Variants in FARS2 observed in about 807,000 individuals in gnomAD.
FARS2 encodes phenylalanyl-tRNA synthetase 2, mitochondrial, also known as phenylalanine--tRNA ligase, mitochondrial.
In FARS2, 40 loss-of-function variants were observed where a neutral mutation model predicts 46.4. The observed-to-expected ratio is 0.86, with a 90% CI of 0.67 to 1.12. FARS2 has a LOEUF of 1.12. FARS2 is among the 50% of genes most tolerant of loss of function. FARS2 has a pLI of 0.00. For synonymous variants in FARS2, 234 were observed against 214.9 expected (o/e 1.09, Z -0.78); for missense variants, 513 against 567.9 (o/e 0.90, Z 0.98).
intron 4 of FARS2, among the ~76,000 whole-genome samples, chr6:5,485,291 A>G (rs1381246266): frequency 6.6e-6 from 1 of 152,166 alleles, no homozygotes; most frequent in Non-Finnish European, 1.5e-5. Flanking sequence ...ACATGAGATA[A>G]TGAATGCAAA....
chr6:5,444,149 A>G (rs1764003831), intron 4 of FARS2, among the ~76,000 whole-genome samples: 1 of 151,308 alleles, frequency 6.6e-6, no homozygotes, highest in Non-Finnish European at 1.5e-5. Flanking sequence ...ACGCACGTGC[A>G]TATGTTCGCA....
intron 6 of FARS2, among the ~76,000 whole-genome samples, chr6:5,620,194 C>T (rs114081801): frequency 0.012 from 1,873 of 152,114 alleles, 38 homozygotes; most frequent in African/African-American, 0.043. Flanking sequence ...AACCTTCCTA[C>T]CGTGCACGCG....
chr6:5,491,910 AT>A (rs56845547), intron 4 of FARS2, among the ~76,000 whole-genome samples: 27,617 of 148,312 alleles, frequency 0.19, 3,466 homozygotes, highest in African/African-American at 0.36. Context: ...TATTGTAAAG[AT>A]TTTTTTTTTT....
intron 4 of FARS2, among the ~76,000 whole-genome samples, chr6:5,490,550 G>A (rs1767044674): frequency 6.6e-6 from 1 of 152,294 alleles, no homozygotes. Context: ...CTGCTTCCTT[G>A]GGCTTGTGCC....
At chr6:5,342,216 C>T (rs1473944418) in intron 1 of FARS2, among the ~76,000 whole-genome samples, 1 of 152,132 alleles carries the variant, frequency 6.6e-6, no homozygotes, top group Non-Finnish European at 1.5e-5. Context: ...TTTTCTAGGC[C>T]TAATTGGGAC....
At chr6:5,762,445 G>A (rs982227294) in intron 6 of FARS2, among the ~76,000 whole-genome samples, 15 of 152,136 alleles carry the variant, frequency 9.9e-5, no homozygotes, top group Admixed American at 8.5e-4. Flanking sequence ...ATATACACAC[G>A]CATGCAAGGA....
chr6:5,287,344 C>T (rs901865691), intron 1 of FARS2, among the ~76,000 whole-genome samples: 6 of 152,204 alleles, frequency 3.9e-5, no homozygotes, highest in South Asian at 2.1e-4. Context: ...TGGAGTGGTC[C>T]GTGTTATCAT....
At chr6:5,668,320 G>A (rs1024239735) in intron 6 of FARS2, among the ~76,000 whole-genome samples, 2 of 152,080 alleles carry the variant, frequency 1.3e-5, no homozygotes, top group Non-Finnish European at 2.9e-5. Context: ...TGTCACTCTT[G>A]TACTGTTGGA....
intron 6 of FARS2, among the ~76,000 whole-genome samples, chr6:5,759,612 C>T (rs1245605706): frequency 6.6e-6 from 1 of 152,186 alleles, no homozygotes; most frequent in East Asian, 1.9e-4. Flanking sequence ...CCTTTCGACT[C>T]TGACCACCAG....
intron 4 of FARS2, among the ~76,000 whole-genome samples, chr6:5,486,180 G>T (rs1296195658): frequency 2.0e-5 from 3 of 152,088 alleles, no homozygotes. Context: ...AGAAACAGAT[G>T]CATTTCTGTT....
At chr6:5,581,815 G>A (rs113927818) in intron 5 of FARS2, among the ~76,000 whole-genome samples, 1 of 151,642 alleles carries the variant, frequency 6.6e-6, no homozygotes, top group Non-Finnish European at 1.5e-5. Context: ...TTCCTGATGC[G>A]CTTTTCTAAA....
intron 1 of FARS2, among the ~76,000 whole-genome samples, chr6:5,341,235 A>ATTTTTTTTTTTTTTT (rs70974193): frequency 1.9e-4 from 2 of 10,276 alleles, no homozygotes; most frequent in African/African-American, 2.6e-4. Context: ...ATATATATAT[A>ATTTTTTTTTTTTTTT]TTTTTTTTTT....
chr6:5,303,504 C>T (rs1768471416), intron 1 of FARS2, among the ~76,000 whole-genome samples: 1 of 152,028 alleles, frequency 6.6e-6, no homozygotes, highest in South Asian at 2.1e-4. Flanking sequence ...TGTCTTCATC[C>T]TTGTGTCAGC....
intron 6 of FARS2, among the ~76,000 whole-genome samples, chr6:5,619,964 C>T (rs993556664): frequency 6.6e-5 from 10 of 152,192 alleles, no homozygotes; most frequent in African/African-American, 2.2e-4. Flanking sequence ...TACACTTTTA[C>T]ATTTTCCCAA....
At chr6:5,561,464 G>T (rs1298553960) in intron 5 of FARS2, among the ~76,000 whole-genome samples, 10 of 152,080 alleles carry the variant, frequency 6.6e-5, no homozygotes, top group African/African-American at 2.4e-4. Flanking sequence ...TGGAAAGGTA[G>T]TCATTCTCCC....
intron 4 of FARS2, among the ~76,000 whole-genome samples, chr6:5,525,059 G>A (rs914967614): frequency 6.6e-6 from 1 of 151,956 alleles, no homozygotes; most frequent in Admixed American, 6.6e-5. Context: ...TCTGTAGAAT[G>A]CAAAAGGGTG....
intron 6 of FARS2, among the ~76,000 whole-genome samples, chr6:5,614,468 GAT>G (rs1775359958): frequency 1.3e-5 from 2 of 150,014 alleles, no homozygotes; most frequent in Non-Finnish European, 3.0e-5. Context: ...GGAGTGCAGT[GAT>G]GCGATCTCGG....
intron 4 of FARS2, among the ~76,000 whole-genome samples, chr6:5,491,483 A>C (rs552141427): frequency 1.3e-5 from 2 of 152,300 alleles, no homozygotes; most frequent in African/African-American, 4.8e-5. Context: ...CGTCGAGTTA[A>C]GAATCATGCG....
In FARS2 at chr6:5,359,109, G is replaced by A. The variant is rs1211477492; in HGVS notation, c.-21-9441G>A. On this transcript the variant is annotated intron_variant, in intron 1 of 6. Coordinates refer to ENST00000274680, the MANE Select transcript of FARS2 (RefSeq NM_006567.5). ...GGCTGGAGTGCAGTGGTGCAATCTC[G>A]GTTCACTGCAACCTCCGCCTCCCGG... is the stretch of plus-strand genomic sequence containing the variant. Among the ~76,000 whole-genome samples the A allele has an allele frequency of 3.8e-5, 5 of 132,020 alleles. No individual in the cohort carries two copies. The East Asian group carries it at 7.1e-4, about 19-fold the overall frequency. The allele number at this position is 132,020 out of a possible 152,430, so 86.6% of individuals were successfully genotyped here. A position where few individuals can be genotyped will look rare whatever the true frequency, so the allele number is the denominator to read the frequency against.
Sources: gnomAD v4.1 joint callset for allele counts (sites outside exome capture counted in the v4.1 genomes callset) on GRCh38, gnomAD v4.1.1 for gene constraint, MANE v1.5 for transcripts, NCBI Gene and HGNC (gene_info 2026-07-23, HGNC 2026-07-21) for gene names.